The following PCDH15 variants were observed in gnomAD, a reference collection of about 807,000 sequenced individuals.
The protein encoded by PCDH15 is protocadherin-15.
Under a neutral mutation model 178.5 loss-of-function variants are expected in PCDH15, and 129 were observed. The ratio of observed to expected loss-of-function variants is 0.72; its 90% CI spans 0.63 to 0.84. The LOEUF is 0.84. PCDH15 is among the 40% of genes least tolerant of loss of function. The pLI is 0.00. For missense variants in PCDH15, 2,230 were observed against 2,099.9 expected, an observed-to-expected ratio of 1.06 and a Z score of -1.21; for synonymous variants, 800 against 732.0, an observed-to-expected ratio of 1.09 and a Z score of -1.50.
chr10:54,980,109 T>G lies in PCDH15; in HGVS notation c.-79-82609A>C, dbSNP rs1486423913. ...ACCCATTTATGCCTGAGGTTGCAAT[T>G]TTTTGAAATTTTGCCATCAAACCTT... On this transcript the variant is annotated intron_variant, in intron 2 of 5. Transcript: ENST00000458638. 2.6e-5 allele frequency among the ~76,000 whole-genome samples: 4 copies of G among 152,306 alleles called. No homozygotes were observed. The South Asian group carries it at 8.3e-4, about 32-fold the overall frequency.
At chr10:54,404,821 A>G (rs1219837191) in intron 3 of PCDH15, among the ~76,000 whole-genome samples, 1 of 152,090 alleles carries the variant, frequency 6.6e-6, no homozygotes, top group African/African-American at 2.4e-5. Flanking sequence ...AAACCATTAA[A>G]AAGTGGGCAA....
chr10:54,298,163 C>T (rs544115496), intron 8 of PCDH15, among the ~76,000 whole-genome samples: 9 of 152,098 alleles, frequency 5.9e-5, no homozygotes, highest in African/African-American at 9.7e-5. Flanking sequence ...CTGCCTTCCT[C>T]GAGCAGCTAT....
At chr10:53,821,153 G>T (rs1260694406) in intron 32 of PCDH15, 1 of 974,536 alleles carries the variant, frequency 1.0e-6, no homozygotes, top group African/African-American at 1.8e-5. Flanking sequence ...AGCACAATGA[G>T]AAATAAAGAG....
chr10:54,076,959 T>C (rs1005215821), intron 17 of PCDH15, among the ~76,000 whole-genome samples: 4 of 152,192 alleles, frequency 2.6e-5, no homozygotes, highest in African/African-American at 4.8e-5. Flanking sequence ...TTTAAAAGGT[T>C]AATTTTACTG....
chr10:55,271,622 ATTATT>A (rs1200107926), intron 1 of PCDH15, among the ~76,000 whole-genome samples: 1 of 152,022 alleles, frequency 6.6e-6, no homozygotes, highest in Non-Finnish European at 1.5e-5. Flanking sequence ...AAGGAAATAG[ATTATT>A]TTGAGTGTCA....
At chr10:55,602,648 G>C (rs1843115284) in intron 2 of PCDH15, among the ~76,000 whole-genome samples, 2 of 151,784 alleles carry the variant, frequency 1.3e-5, no homozygotes, top group African/African-American at 4.8e-5. Flanking sequence ...CACACAGCAG[G>C]GTACTCCAAC....
chr10:54,096,337 A>G (rs2094698874), intron 15 of PCDH15, among the ~76,000 whole-genome samples: 3 of 151,990 alleles, frequency 2.0e-5, no homozygotes, highest in Admixed American at 1.3e-4. Flanking sequence ...TCTTCTGGAA[A>G]TGCATCAGCT....
chr10:54,528,230 C>T (rs1330338756), intron 2 of PCDH15, among the ~76,000 whole-genome samples: 3 of 151,890 alleles, frequency 2.0e-5, no homozygotes, highest in African/African-American at 4.8e-5. Context: ...GTAATTAAAG[C>T]ATCACAACAG....
chr10:54,089,803 C>G (rs1034786436), intron 16 of PCDH15, among the ~76,000 whole-genome samples, 181 bp downstream of exon 16: 1 of 152,110 alleles, frequency 6.6e-6, no homozygotes, highest in African/African-American at 2.4e-5. Context: ...TAAAAATAAA[C>G]AGTCTCCTGG....
intron 1 of PCDH15, among the ~76,000 whole-genome samples, chr10:54,749,651 A>G (rs768552102): frequency 2.4e-4 from 37 of 152,284 alleles, no homozygotes; most frequent in Non-Finnish European, 4.7e-4. Context: ...TGAAAAAAGA[A>G]ATACTCCAGT....
intron 2 of PCDH15, among the ~76,000 whole-genome samples, chr10:54,647,810 C>G (rs2094163300): frequency 6.6e-6 from 1 of 152,008 alleles, no homozygotes; most frequent in Admixed American, 6.6e-5. Flanking sequence ...TTTCTGTAGC[C>G]CTCTCACTAG....
At chr10:55,043,552 T>TA (rs925081034) in intron 2 of PCDH15, among the ~76,000 whole-genome samples, 18 of 149,774 alleles carry the variant, frequency 1.2e-4, no homozygotes, top group East Asian at 3.9e-4. Flanking sequence ...CTATAAAAAA[T>TA]AAAAAAAAAT....
intron 2 of PCDH15, among the ~76,000 whole-genome samples, chr10:55,559,513 A>G (rs1235595263): frequency 2.0e-5 from 3 of 151,998 alleles, no homozygotes; most frequent in African/African-American, 4.8e-5. Flanking sequence ...AAATGAATAA[A>G]ATGATGTCAT....
At chr10:54,277,985 A>C (rs2058445115) in intron 8 of PCDH15, among the ~76,000 whole-genome samples, 1 of 151,642 alleles carries the variant, frequency 6.6e-6, no homozygotes, top group Non-Finnish European at 1.5e-5. Flanking sequence ...AGAGATATCA[A>C]ATAGATAGTT....
chr10:53,809,092 T>C (rs544980556), intron 37 of PCDH15: 1 of 1,613,932 alleles, frequency 6.2e-7, no homozygotes, highest in Non-Finnish European at 8.5e-7. Flanking sequence ...CCTTGCTTTT[T>C]CTCCTTCTGA....
At chr10:55,397,213 C>A (rs1324043462) in intron 2 of PCDH15, among the ~76,000 whole-genome samples, 1 of 152,100 alleles carries the variant, frequency 6.6e-6, no homozygotes, top group Admixed American at 6.6e-5. Flanking sequence ...ATACTCAAAG[C>A]TTGAGGGACA....
intron 2 of PCDH15, among the ~76,000 whole-genome samples, chr10:54,639,562 C>T: frequency 6.6e-6 from 1 of 152,004 alleles, no homozygotes. Context: ...ATACAAGATA[C>T]TAATGCCAAA....
At chr10:54,027,948 A>T (rs1156458849) in intron 18 of PCDH15, among the ~76,000 whole-genome samples, 1 of 151,560 alleles carries the variant, frequency 6.6e-6, no homozygotes, top group Non-Finnish European at 1.5e-5. Flanking sequence ...AATGGGATCG[A>T]ATTAAACTCA....
intron 2 of PCDH15, among the ~76,000 whole-genome samples, chr10:54,644,510 C>T (rs1373432630): frequency 6.6e-6 from 1 of 151,860 alleles, no homozygotes; most frequent in Non-Finnish European, 1.5e-5. Context: ...TCTTAGTTGA[C>T]TCCTTCTGGT....
Sources: allele counts gnomAD v4.1 joint callset (sites outside exome capture counted in the v4.1 genomes callset), GRCh38; gene constraint gnomAD v4.1.1; transcripts MANE v1.5; gene names NCBI Gene and HGNC (gene_info 2026-07-23, HGNC 2026-07-21).